ANO4: variants seen among roughly 807,000 people sequenced by gnomAD.
ANO4 encodes the protein anoctamin-4.
A neutral mutation model predicts 141.9 loss-of-function variants in ANO4; 69 were observed. The ratio of observed to expected loss-of-function variants is 0.49; its 90% CI spans 0.40 to 0.59. The LOEUF is 0.59. ANO4 is among the 20% of genes least tolerant of loss of function. The pLI is 0.00. For synonymous variants in ANO4, 350 were observed against 394.3 expected, an observed-to-expected ratio of 0.89 and a Z score of 1.33; for missense variants, 894 against 1,162.2, an observed-to-expected ratio of 0.77 and a Z score of 3.36.
At chr12:100,744,832 C>A (rs1295978112) in intron 3 of ANO4, among the ~76,000 whole-genome samples, 1 of 152,178 alleles carries the variant, frequency 6.6e-6, no homozygotes, top group African/African-American at 2.4e-5. Flanking sequence ...TGCTAGCAGT[C>A]TTGTTACAAG....
At chr12:100,947,965 C>T (rs567065590) in intron 5 of ANO4, among the ~76,000 whole-genome samples, 1 of 151,788 alleles carries the variant, frequency 6.6e-6, no homozygotes, top group Non-Finnish European at 1.5e-5. Flanking sequence ...GGGCGGATCA[C>T]GAGGTCAGGA....
intron 5 of ANO4, among the ~76,000 whole-genome samples, chr12:100,953,159 T>G (rs982647545): frequency 3.9e-5 from 6 of 152,254 alleles, no homozygotes; most frequent in Non-Finnish European, 8.8e-5. Flanking sequence ...TTGTATTATA[T>G]TTATGAAAGG....
rs1323554220 is a variant in ANO4, at chr12:100,776,315, G to A, written c.358+36210G>A. Among the ~76,000 whole-genome samples the A allele has an allele frequency of 3.9e-5, 6 of 152,106 alleles. No individual in the cohort carries two copies. The East Asian group carries it at 7.7e-4, about 20-fold the overall frequency. Reference sequence around the variant, plus strand: ...AGTGACTGGATTGCTTGCTGGAGCCGAGGCTCTCAGAACCACCTCGCGAGG... The same window carrying A: ...AGTGACTGGATTGCTTGCTGGAGCCAAGGCTCTCAGAACCACCTCGCGAGG... On this transcript the variant is annotated intron_variant, in intron 3 of 29. Coordinates refer to the ANO4 transcript ENST00000644049.
chr12:100,973,967 A>G (rs2044043173), intron 6 of ANO4, among the ~76,000 whole-genome samples: 1 of 152,332 alleles, frequency 6.6e-6, no homozygotes, highest in Admixed American at 6.5e-5. Context: ...GTGATATATA[A>G]ACTTACCATT....
chr12:101,032,255 C>G (rs774979995), intron 9 of ANO4, among the ~76,000 whole-genome samples: 10 of 152,134 alleles, frequency 6.6e-5, no homozygotes, highest in Non-Finnish European at 1.5e-4. Context: ...TGGAACAGAA[C>G]AGAGACCTCA....
chr12:100,725,946 G>A (rs2031096834), intron 1 of ANO4, among the ~76,000 whole-genome samples: 1 of 152,114 alleles, frequency 6.6e-6, no homozygotes, highest in African/African-American at 2.4e-5. Context: ...GAAAGGGAAG[G>A]AGCCCATCAT....
In ANO4 at chr12:101,041,569, A is replaced by G. The variant is rs192593085; in HGVS notation, c.1020-765A>G. On this transcript the variant is annotated intron_variant, in intron 11 of 27. Coordinates refer to ENST00000392977, the MANE Select transcript of ANO4 (RefSeq NM_001286615.2). The stretch of plus-strand genomic sequence containing the variant: ...GTCAATGCATATTAATTAACTGTCT[A>G]TTGTGTATCTAGTACTGTGCTAAGT... Among the ~76,000 whole-genome samples the G allele has an allele frequency of 3.1e-3, 476 of 152,320 alleles. 4 individuals are homozygous for G. Among genetic ancestry groups the G allele is most frequent in the African/African-American group, 0.011 (444 of 41,568 alleles).
chr12:100,930,688 G>GTAAT (rs2042055485), intron 3 of ANO4, among the ~76,000 whole-genome samples: 2 of 152,266 alleles, frequency 1.3e-5, no homozygotes, highest in Admixed American at 1.3e-4. Flanking sequence ...TGTCATATCT[G>GTAAT]TAATAACTAG....
At chr12:101,104,674 TAA>T (rs2050371153) in intron 22 of ANO4, among the ~76,000 whole-genome samples, 14 of 112,756 alleles carry the variant, frequency 1.2e-4, no homozygotes, top group African/African-American at 3.5e-4. Context: ...TATATATAAA[TAA>T]AAAGATTTAC....
chr12:100,777,508 A>C (rs1307662995), intron 3 of ANO4, among the ~76,000 whole-genome samples: 1 of 151,822 alleles, frequency 6.6e-6, no homozygotes, highest in Admixed American at 6.6e-5. Context: ...CAGCCCTTAG[A>C]AACTCCCCTT....
chr12:100,864,581 C>T (rs1299223145), intron 1 of ANO4, among the ~76,000 whole-genome samples: 1 of 152,200 alleles, frequency 6.6e-6, no homozygotes, highest in Non-Finnish European at 1.5e-5. Flanking sequence ...CAGCCTCTCA[C>T]TCACACACCC....
At chr12:100,992,156 C>T (rs570715410) in intron 8 of ANO4, among the ~76,000 whole-genome samples, 111 of 152,340 alleles carry the variant, frequency 7.3e-4, no homozygotes, top group African/African-American at 2.2e-3. Context: ...ACTCTTGTCA[C>T]CACCAATCCA....
At chr12:100,812,039 T>TAC (rs4015879) in intron 1 of ANO4, among the ~76,000 whole-genome samples, 15 of 151,602 alleles carry the variant, frequency 9.9e-5, no homozygotes, top group South Asian at 2.1e-4. Context: ...CATATATGTG[T>TAC]ACACACACAC....
At chr12:100,921,972 G>A (rs1028680157) in intron 2 of ANO4, among the ~76,000 whole-genome samples, 6 of 151,898 alleles carry the variant, frequency 4.0e-5, no homozygotes, top group Non-Finnish European at 5.9e-5. Flanking sequence ...ACTATGAAGT[G>A]TGTTTCCTTA....
At position 101,048,349 on chromosome 12, in the gene ANO4, C is replaced by A. The variant is rs140890653; in HGVS notation, c.1260C>A (p.His420Gln). ...SDSCVYAKVT[H>Q]LFDNGATVFF... The stretch of plus-strand genomic sequence containing the variant: ...ATTCTTATTATTCACAGGTAACCCA[C>A]CTTTTTGACAATGGAGCCACTGTCT... The change falls in exon 14 of 28, where the codon CAC becomes CAA. Residue 420 changes from histidine (H) to glutamine (Q), a missense_variant. Physicochemically the swap from His to Gln is conservative, Grantham distance 24 (BLOSUM62 0). Coordinates refer to ENST00000392977, the MANE Select transcript of ANO4 (RefSeq NM_001286615.2). The A allele has an allele frequency of 1.2e-5, 19 of 1,613,586 alleles. No individual in the cohort carries two copies. Among genetic ancestry groups the A allele is most frequent in the African/African-American group, 4.0e-5 (3 of 74,888 alleles).
At chr12:100,855,125 C>A in intron 1 of ANO4, among the ~76,000 whole-genome samples, 1 of 152,096 alleles carries the variant, frequency 6.6e-6, no homozygotes, top group East Asian at 1.9e-4. Context: ...GTTTCTATAG[C>A]TGGGGCATTC....
At chr12:100,808,998 T>C (rs2035233814) in intron 1 of ANO4, among the ~76,000 whole-genome samples, 1 of 152,322 alleles carries the variant, frequency 6.6e-6, no homozygotes, top group Non-Finnish European at 1.5e-5. Flanking sequence ...AATGAACACT[T>C]ACTATAGACC....
intron 26 of ANO4, among the ~76,000 whole-genome samples, chr12:101,123,605 A>AT (rs1854077781): frequency 6.6e-6 from 1 of 152,022 alleles, no homozygotes; most frequent in African/African-American, 2.4e-5. Context: ...TTTGCTGAGG[A>AT]TAACAGCTTC....
intron 3 of ANO4, among the ~76,000 whole-genome samples, chr12:100,747,313 AATTTTTTTCCAAAGAGGAAG>A (rs1296664280): frequency 1.3e-5 from 2 of 151,896 alleles, no homozygotes; most frequent in South Asian, 2.1e-4. Context: ...ACATGGGGGG[AATTTTTTTCCAAAGAGGAAG>A]ATTTTTTTCC....
Sources: gnomAD v4.1 joint callset for allele counts (sites outside exome capture counted in the v4.1 genomes callset) on GRCh38, gnomAD v4.1.1 for gene constraint, MANE v1.5 for transcripts, NCBI Gene and HGNC (gene_info 2026-07-23, HGNC 2026-07-21) for gene names.